The following KYAT3 variants were observed in gnomAD, a reference collection of about 807,000 sequenced individuals.
KYAT3 encodes the protein kynurenine--oxoglutarate transaminase 3.
In KYAT3, 50 loss-of-function variants were observed where a neutral mutation model predicts 59.0. The ratio of observed to expected loss-of-function variants is 0.85; its 90% CI spans 0.68 to 1.07. The LOEUF (loss-of-function observed/expected upper bound fraction) is 1.07, where lower values mean the gene tolerates loss of function less well. Among genes scored for constraint, KYAT3 ranks in the 50% least tolerant of loss-of-function variants. The pLI is 0.00. For missense variants in KYAT3, 497 were observed against 533.3 expected (o/e 0.93, Z 0.67); for synonymous variants, 148 against 177.0 (o/e 0.84, Z 1.30).
At chr1:88,966,611 G>T (rs555848295) in intron 4 of KYAT3, among the ~76,000 whole-genome samples, 3 of 151,934 alleles carry the variant, frequency 2.0e-5, no homozygotes, top group Non-Finnish European at 4.4e-5. Context: ...AGTTGTAGTA[G>T]GCTTTTTTTT....
At chr1:88,991,978 T>G (rs1369312181) in intron 1 of KYAT3, among the ~76,000 whole-genome samples, 1 of 44,498 alleles carries the variant, frequency 2.2e-5, no homozygotes, top group Non-Finnish European at 3.9e-5. Context: ...CTTGGTATTC[T>G]TTTGGTTTTT....
chr1:88,932,114 G>T (rs1386033082), downstream of KYAT3, among the ~76,000 whole-genome samples: 1 of 152,132 alleles, frequency 6.6e-6, no homozygotes, highest in African/African-American at 2.4e-5. Context: ...AAGCTTCAAT[G>T]ATCACAGCAC....
chr1:88,928,359 A>G, the KYAT3 span, among the ~76,000 whole-genome samples: 1 of 151,956 alleles, frequency 6.6e-6, no homozygotes, highest in East Asian at 1.9e-4. Context: ...AATAGAGATC[A>G]GGAGGAACGG....
At chr1:88,926,376 A>G in the KYAT3 span, among the ~76,000 whole-genome samples, 3 of 152,192 alleles carry the variant, frequency 2.0e-5, no homozygotes, top group Non-Finnish European at 4.4e-5. Context: ...CAGTGGTACA[A>G]TTATGGCGCT....
downstream of KYAT3, among the ~76,000 whole-genome samples, chr1:88,932,486 A>G (rs1674929010): frequency 6.6e-6 from 1 of 152,130 alleles, no homozygotes; most frequent in African/African-American, 2.4e-5. Context: ...CAATGCCGCA[A>G]CAGACATTAT....
At chr1:88,973,832 G>A (rs533600484) in intron 2 of KYAT3, among the ~76,000 whole-genome samples, 1 of 152,268 alleles carries the variant, frequency 6.6e-6, no homozygotes, top group Admixed American at 6.5e-5. Context: ...TAAGACCCTA[G>A]TCCATCAAAG....
At chr1:88,943,556 C>A (rs28533129) in intron 11 of KYAT3, 133 bp from the exon 12 acceptor site, 2 of 625,020 alleles carry the variant, frequency 3.2e-6, no homozygotes, top group Non-Finnish European at 5.7e-6. Context: ...AGAACATAGT[C>A]ACAGAATATG....
chr1:88,925,793 A>C, the KYAT3 span, among the ~76,000 whole-genome samples: 2 of 141,872 alleles, frequency 1.4e-5, no homozygotes, highest in African/African-American at 6.1e-5. Flanking sequence ...AAAAAGAAAA[A>C]GACAGAAATA....
At chr1:88,950,833 T>A (rs6673179) in intron 10 of KYAT3, among the ~76,000 whole-genome samples, 1 of 151,892 alleles carries the variant, frequency 6.6e-6, no homozygotes, top group South Asian at 2.1e-4. Flanking sequence ...CACTCCTGAG[T>A]TCAAAACTCT....
chr1:88,969,519 C>T (rs1676469383), intron 2 of KYAT3, 52 bp from the exon 3 acceptor site: 3 of 983,148 alleles, frequency 3.1e-6, no homozygotes, highest in Non-Finnish European at 4.9e-6. Flanking sequence ...ATTTTAAAAG[C>T]CAGTAAATCA....
chr1:88,952,519 C>T (rs555363712), intron 10 of KYAT3, among the ~76,000 whole-genome samples: 1 of 152,220 alleles, frequency 6.6e-6, no homozygotes, highest in African/African-American at 2.4e-5. Context: ...TGCACCTCCC[C>T]ACTTCTCTCC....
At chr1:88,984,881 T>C (rs900791734) in intron 2 of KYAT3, among the ~76,000 whole-genome samples, 2 of 152,270 alleles carry the variant, frequency 1.3e-5, no homozygotes, top group African/African-American at 2.4e-5. Flanking sequence ...ATCCAATTCC[T>C]TTACTACATA....
At chr1:88,941,272 G>A (rs7520946) in intron 13 of KYAT3, among the ~76,000 whole-genome samples, 5,831 of 152,116 alleles carry the variant, frequency 0.038, 322 homozygotes, top group African/African-American at 0.12. Context: ...TCTGGCTATC[G>A]GTTGTCTCTG....
Position 88,936,248 on chromosome 1 carries a change from G to C in KYAT3, c.1303-3C>G. ...GCAGCATCCAGTGTGCTGTCTTTCT[G>C]TAAATTAATGAAATAATCATCATTA... is the stretch of plus-strand genomic sequence containing the variant. On this transcript the variant is annotated splice_polypyrimidine_tract_variant and splice_region_variant and intron_variant, in intron 13 of 13. Coordinates refer to ENST00000260508, the MANE Select transcript of KYAT3 (RefSeq NM_001008661.3). 6.3e-7 allele frequency: 1 copy of C among 1,593,784 alleles called. No homozygotes were observed. The highest frequency in any genetic ancestry group is 8.6e-7 in the Non-Finnish European group (1 of 1,163,522).
intron 2 of KYAT3, among the ~76,000 whole-genome samples, chr1:88,978,168 A>C (rs745593413): frequency 6.6e-6 from 1 of 152,206 alleles, no homozygotes; most frequent in Non-Finnish European, 1.5e-5. Flanking sequence ...GACATTTAGT[A>C]TTAATTCATT....
At chr1:88,941,339 T>C (rs1006542557) in intron 13 of KYAT3, among the ~76,000 whole-genome samples, 2 of 152,188 alleles carry the variant, frequency 1.3e-5, no homozygotes, top group African/African-American at 2.4e-5. Context: ...AGTGAGTTGA[T>C]AGAGTGTCTT....
chr1:88,955,223 T>A lies in KYAT3; in HGVS notation c.790A>T (p.Thr264Ser). 6.2e-7 allele frequency: 1 copy of A among 1,604,938 alleles called. No homozygotes were observed. The highest frequency in any genetic ancestry group is 8.5e-7 in the Non-Finnish European group (1 of 1,172,186). The change falls in exon 9 of 14, where the codon ACT becomes TCT. Residue 264 changes from threonine (T) to serine (S), a missense_variant and splice_region_variant. Around this residue, in one of 2 missense-constraint regions of KYAT3, gnomAD observed 469 missense variants for 479.1 expected, o/e 0.98. Coordinates refer to ENST00000260508, the MANE Select transcript of KYAT3 (RefSeq NM_001008661.3). ...GTTCTCTCCCACATACCTGGAAAAG[T>A]AGCTAAACAGAGGAGGAAAAAAGGG... ...YSGNKHLKIA[T>S]FPGMWERTIT...
intron 8 of KYAT3, among the ~76,000 whole-genome samples, 181 bp downstream of exon 8, chr1:88,960,986 C>T (rs1447217720): frequency 6.6e-6 from 1 of 152,110 alleles, no homozygotes; most frequent in Non-Finnish European, 1.5e-5. Context: ...TACTCTTTGT[C>T]CTTTGAACTA....
chr1:88,953,608 A>AT (rs137937024), intron 9 of KYAT3, among the ~76,000 whole-genome samples: 308 of 151,558 alleles, frequency 2.0e-3, no homozygotes, highest in Non-Finnish European at 2.5e-3. Context: ...ACTTAGAATC[A>AT]TTTCAATGGT....
Sources: allele counts gnomAD v4.1 joint callset (sites outside exome capture counted in the v4.1 genomes callset), GRCh38; gene constraint gnomAD v4.1.1; regional missense constraint gnomAD v4.1.1; transcripts MANE v1.5; gene names NCBI Gene and HGNC (gene_info 2026-07-23, HGNC 2026-07-21).